Variants in TNFSF4 observed in about 807,000 individuals in gnomAD.
TNFSF4 encodes the protein tumor necrosis factor ligand superfamily member 4.
Under a neutral mutation model 7.3 loss-of-function variants are expected in TNFSF4, and 4 were observed. That is an observed-to-expected ratio of 0.55 (90% CI 0.27 to 1.25). The LOEUF (loss-of-function observed/expected upper bound fraction) is 1.25. Among genes scored for constraint, TNFSF4 ranks in the 50% most tolerant of loss-of-function variants. TNFSF4 has a pLI of 0.12. For missense variants in TNFSF4, 181 were observed against 208.8 expected (o/e 0.87, Z 0.82); for synonymous variants, 76 against 83.7 (o/e 0.91, Z 0.50).
intron 2 of TNFSF4, among the ~76,000 whole-genome samples, chr1:173,187,625 C>T (rs1649287780): frequency 6.6e-6 from 1 of 152,190 alleles, no homozygotes; most frequent in African/African-American, 2.4e-5. Flanking sequence ...TCTTCTCTAC[C>T]TCCTGTTGCT....
the TNFSF4 span, among the ~76,000 whole-genome samples, chr1:173,352,359 C>A: frequency 6.6e-6 from 1 of 152,126 alleles, no homozygotes; most frequent in Non-Finnish European, 1.5e-5. Context: ...GGGAACCAGC[C>A]CCAATATTTC....
chr1:173,201,487 T>C (rs1238469176), intron 1 of TNFSF4, among the ~76,000 whole-genome samples: 1 of 152,204 alleles, frequency 6.6e-6, no homozygotes, highest in Non-Finnish European at 1.5e-5. Flanking sequence ...AACGGAAGCA[T>C]GTTCATGGAT....
the TNFSF4 span, among the ~76,000 whole-genome samples, chr1:173,398,990 C>G: frequency 6.6e-6 from 1 of 152,340 alleles, no homozygotes; most frequent in South Asian, 2.1e-4. Flanking sequence ...CGGCCTCCTA[C>G]TGAGCCTTAG....
the TNFSF4 span, among the ~76,000 whole-genome samples, chr1:173,316,765 C>T: frequency 6.6e-6 from 1 of 151,796 alleles, no homozygotes; most frequent in Non-Finnish European, 1.5e-5. Flanking sequence ...AATCATTGTA[C>T]TAGACAAAAG....
chr1:173,182,414 A>C (rs1649071530), downstream of TNFSF4, among the ~76,000 whole-genome samples: 1 of 152,186 alleles, frequency 6.6e-6, no homozygotes. Flanking sequence ...GCCCAGAAGC[A>C]GAGTAGCAGT....
At chr1:173,367,251 C>T in the TNFSF4 span, among the ~76,000 whole-genome samples, 1 of 152,220 alleles carries the variant, frequency 6.6e-6, no homozygotes, top group Non-Finnish European at 1.5e-5. Context: ...CACTCCATAT[C>T]TTGTCTCCCA....
At chr1:173,200,393 C>T (rs751287999) in intron 1 of TNFSF4, among the ~76,000 whole-genome samples, 19 of 152,170 alleles carry the variant, frequency 1.2e-4, no homozygotes, top group Admixed American at 3.9e-4. Flanking sequence ...ACTGTTACTG[C>T]AAGTAGTACA....
At chr1:173,240,334 C>G in the TNFSF4 span, among the ~76,000 whole-genome samples, 1 of 152,154 alleles carries the variant, frequency 6.6e-6, no homozygotes, top group Non-Finnish European at 1.5e-5. Context: ...CTTTTCCCCT[C>G]CATAGACATT....
chr1:173,264,414 C>A, the TNFSF4 span, among the ~76,000 whole-genome samples: 9 of 150,970 alleles, frequency 6.0e-5, no homozygotes, highest in African/African-American at 2.2e-4. Context: ...CCTGGCCTCC[C>A]AAAGTGTTGG....
At chr1:173,340,778 C>T in the TNFSF4 span, among the ~76,000 whole-genome samples, 1 of 151,754 alleles carries the variant, frequency 6.6e-6, no homozygotes. Context: ...TAGGCTTTCC[C>T]TCTCCCTTTC....
the TNFSF4 span, among the ~76,000 whole-genome samples, chr1:173,368,010 G>T: frequency 6.6e-6 from 1 of 152,132 alleles, no homozygotes; most frequent in African/African-American, 2.4e-5. Flanking sequence ...CTAGCAAAGG[G>T]ATTGTAAAAT....
the TNFSF4 span, among the ~76,000 whole-genome samples, chr1:173,250,520 C>T: frequency 6.7e-6 from 1 of 150,010 alleles, no homozygotes; most frequent in Non-Finnish European, 1.5e-5. Context: ...AGTGCAGTGG[C>T]GCCATCTTGG....
chr1:173,386,984 G>A, the TNFSF4 span, among the ~76,000 whole-genome samples: 3 of 152,164 alleles, frequency 2.0e-5, no homozygotes, highest in African/African-American at 7.2e-5. Flanking sequence ...TGATTTCGCA[G>A]GTTTACAGCT....
chr1:173,265,978 T>C, the TNFSF4 span, among the ~76,000 whole-genome samples: 3 of 152,192 alleles, frequency 2.0e-5, no homozygotes, highest in African/African-American at 4.8e-5. Context: ...TGGAGTGATA[T>C]ATAAGTGCTT....
the TNFSF4 span, among the ~76,000 whole-genome samples, chr1:173,218,825 C>A: frequency 2.0e-5 from 3 of 151,840 alleles, no homozygotes; most frequent in Non-Finnish European, 4.4e-5. Context: ...CTTATGTAAG[C>A]CATAAGAAAC....
At chr1:173,405,292 G>A in the TNFSF4 span, among the ~76,000 whole-genome samples, 1 of 152,086 alleles carries the variant, frequency 6.6e-6, no homozygotes, top group African/African-American at 2.4e-5. Flanking sequence ...GTGTAGCTGG[G>A]GTCCAGTAAA....
chr1:173,428,182 T>C, the TNFSF4 span, among the ~76,000 whole-genome samples: 1 of 152,010 alleles, frequency 6.6e-6, no homozygotes, highest in Non-Finnish European at 1.5e-5. Context: ...TGGCCTCAAG[T>C]GATCCACCCG....
At chr1:173,259,136 G>C in the TNFSF4 span, among the ~76,000 whole-genome samples, 1 of 152,146 alleles carries the variant, frequency 6.6e-6, no homozygotes, top group African/African-American at 2.4e-5. Context: ...AGCTCCCAGA[G>C]GAAGAAGCAG....
the TNFSF4 span, among the ~76,000 whole-genome samples, chr1:173,326,148 C>T: frequency 1.3e-5 from 2 of 152,172 alleles, no homozygotes; most frequent in East Asian, 3.8e-4. Context: ...TCCAGCAGCA[C>T]ATCAAAAAGC....
Sources: gnomAD v4.1 joint callset for allele counts (sites outside exome capture counted in the v4.1 genomes callset) on GRCh38, gnomAD v4.1.1 for gene constraint, MANE v1.5 for transcripts, NCBI Gene and HGNC (gene_info 2026-07-23, HGNC 2026-07-21) for gene names.